AVPI1: variants seen among roughly 807,000 people sequenced by gnomAD.
AVPI1 encodes the protein arginine vasopressin induced 1, also known as arginine vasopressin-induced protein 1.
A neutral mutation model predicts 11.9 loss-of-function variants in AVPI1; 9 were observed. That is an observed-to-expected ratio of 0.76 (90% CI 0.46 to 1.32). The LOEUF is 1.32. Ranked by LOEUF, AVPI1 falls within the 40% of genes most tolerant of loss-of-function variation. AVPI1 has a pLI of 0.00. For synonymous variants in AVPI1, 68 were observed against 78.1 expected, an observed-to-expected ratio of 0.87 and a Z score of 0.68; for missense variants, 207 against 195.8, an observed-to-expected ratio of 1.06 and a Z score of -0.34.
chr10:97,685,125 C>T (rs1237100935), intron 1 of AVPI1, among the ~76,000 whole-genome samples: 1 of 152,090 alleles, frequency 6.6e-6, no homozygotes. Context: ...CATTTCAGAA[C>T]TGACATAAAA....
At chr10:97,684,309 T>C (rs966655972) in intron 1 of AVPI1, among the ~76,000 whole-genome samples, 3 of 152,036 alleles carry the variant, frequency 2.0e-5, no homozygotes, top group African/African-American at 7.3e-5. Context: ...AGGAAATGGC[T>C]TGGAGCCTGA....
intron 1 of AVPI1, among the ~76,000 whole-genome samples, chr10:97,684,417 GAGCCTCC>G (rs1157531184): frequency 2.0e-5 from 3 of 151,724 alleles, no homozygotes; most frequent in Admixed American, 6.6e-5. Context: ...GGGAGAGTCT[GAGCCTCC>G]AGCCTCAACC....
chr10:97,679,613 A>C lies in AVPI1; in HGVS notation c.287+6T>G, dbSNP rs1279671640. 1.2e-6 allele frequency: 2 copies of C among 1,606,228 alleles called. No individual in the cohort carries two copies. The highest frequency in any genetic ancestry group is 1.7e-6 in the Non-Finnish European group (2 of 1,175,544). On this transcript the variant is annotated splice_donor_region_variant and intron_variant, in intron 2 of 2. Transcript: ENST00000370626. ...TTCCCTCAGCCATCCGGTTCTAGGA[A>C]CCTACCTGAGGCGGCTGCAGTGGTG... is the stretch of plus-strand genomic sequence containing the variant.
rs924331386 is a variant in AVPI1, at chr10:97,687,212, A to T, written c.-457T>A. 6.6e-6 allele frequency: 1 copy of T among 152,394 alleles called. No homozygotes were observed. Among genetic ancestry groups the T allele is most frequent in the Non-Finnish European group, 1.5e-5 (1 of 68,182 alleles). The allele number at this position is 152,394 out of a possible 1,614,324, so 9.4% of individuals were successfully genotyped here. ...GGGAGAAAGCGCTCCCTAGCCCCGG[A>T]ACAGCCAATCCTCGGCCCTAGCCAG... On this transcript the variant is annotated 5_prime_UTR_variant, in exon 1 of 3. Coordinates refer to ENST00000370626, the MANE Select transcript of AVPI1 (RefSeq NM_021732.3).
intron 1 of AVPI1, among the ~76,000 whole-genome samples, chr10:97,684,659 C>T (rs2041720454): frequency 6.6e-6 from 1 of 151,698 alleles, no homozygotes; most frequent in Non-Finnish European, 1.5e-5. Context: ...CACCACACGC[C>T]CGACTAATTT....
intron 2 of AVPI1, 121 bp from the exon 3 acceptor site, chr10:97,678,146 C>CTCATTT: frequency 9.2e-7 from 1 of 1,082,302 alleles, no homozygotes; most frequent in Non-Finnish European, 1.3e-6. Flanking sequence ...GAGCGGGGCT[C>CTCATTT]TGCTCTGGTC....
chr10:97,677,957 T>C lies in AVPI1; in HGVS notation c.356A>G (p.Tyr119Cys), dbSNP rs1589942039. 4.3e-6 allele frequency: 7 copies of C among 1,614,174 alleles called. No homozygotes were observed. Among genetic ancestry groups the C allele is most frequent in the East Asian group, 2.2e-5 (1 of 44,886 alleles). Residue 119 changes from tyrosine (Y) to cysteine (C), a missense_variant, in exon 3 of 3, where the codon TAT (tyrosine) becomes TGT (cysteine). Coordinates refer to ENST00000370626, the MANE Select transcript of AVPI1 (RefSeq NM_021732.3). ...GGCACTTTTCTTCCTAGAGTGCAGA[T>C]ACTGCTCACTGGAGGCTGTCTCTGT... Reference protein sequence around the residue: ...SATETASSEQYLHSRKKSARI... With the variant: ...SATETASSEQCLHSRKKSARI...
chr10:97,679,938 C>T (rs1253001390), intron 1 of AVPI1, 23 bp from the exon 2 acceptor site: 4 of 1,516,750 alleles, frequency 2.6e-6, no homozygotes, highest in African/African-American at 1.4e-5. Flanking sequence ...AGCATGGAGA[C>T]ATCATCAACT....
chr10:97,685,405 C>G (rs1416399103), intron 1 of AVPI1, among the ~76,000 whole-genome samples: 1 of 152,186 alleles, frequency 6.6e-6, no homozygotes, highest in African/African-American at 2.4e-5. Context: ...AAGTTCAGTT[C>G]AGACAGCTAT....
In AVPI1 at chr10:97,687,045, T is replaced by G. The variant is rs914434923; in HGVS notation, c.-290A>C. On this transcript the variant is annotated 5_prime_UTR_variant, in exon 1 of 3. Transcript: ENST00000370626. ...AGTGGATCTGGCGGTCGCGTCCCGC[T>G]GGCACCCCGGCTCTGACTGTCGCCC... The G allele has an allele frequency of 6.6e-6, 1 of 152,266 alleles. No individual in the cohort carries two copies. Among genetic ancestry groups the G allele is most frequent in the Admixed American group, 6.5e-5 (1 of 15,288 alleles). The allele number at this position is 152,266 out of a possible 1,614,324, so 9.4% of individuals were successfully genotyped here. A position where few individuals can be genotyped will look rare whatever the true frequency, so the allele number is the denominator to read the frequency against.
In AVPI1 at chr10:97,678,028, G is replaced by A; in HGVS notation, c.288-3C>T. The A allele has an allele frequency of 1.2e-6, 2 of 1,613,282 alleles. No individual in the cohort carries two copies. The highest frequency in any genetic ancestry group is 2.2e-5 in the South Asian group (2 of 90,994). On this transcript the variant is annotated splice_polypyrimidine_tract_variant and splice_region_variant and intron_variant, in intron 2 of 2. Transcript: ENST00000370626. ...GTGCAGAGTGGGGCTCCAGGATTCT[G>A]CAGAGAACAAGTGTATGATTAGCCA...
In AVPI1 at chr10:97,684,934, A is replaced by G. The variant is rs1039137671; in HGVS notation, c.-11+1832T>C. On this transcript the variant is annotated intron_variant, in intron 1 of 2. Coordinates refer to ENST00000370626, the MANE Select transcript of AVPI1 (RefSeq NM_021732.3). ...AAAACCGATGAAATGTCGAATCAGA[A>G]CACTTTTATTATCAAAGGAAACTTT... Among the ~76,000 whole-genome samples the G allele has an allele frequency of 2.0e-5, 3 of 152,344 alleles. No individual in the cohort carries two copies. In the South Asian group the frequency reaches 6.2e-4, roughly 32 times the overall value.
Position 97,677,889 on chromosome 10 carries a change from G to T in AVPI1, c.424C>A (p.Leu142Ile). The T allele has an allele frequency of 6.2e-7, 1 of 1,614,220 alleles. No homozygotes were observed. Among genetic ancestry groups the T allele is most frequent in the Non-Finnish European group, 8.5e-7 (1 of 1,180,032 alleles). Reference protein sequence around the residue: ...NWRKSGPTSYLHQIRH With the variant: ...NWRKSGPTSYIHQIRH The stretch of plus-strand genomic sequence containing the variant: ...CTGGATCAGTGTCTGATCTGGTGGA[G>T]GTAGCTTGTGGGGCCTGACTTCCTC... Residue 142 changes from leucine (L) to isoleucine (I), a missense_variant, in exon 3 of 3, where the codon CTC (leucine) becomes ATC (isoleucine). Coordinates refer to ENST00000370626, the MANE Select transcript of AVPI1 (RefSeq NM_021732.3).
intron 2 of AVPI1, among the ~76,000 whole-genome samples, chr10:97,678,878 A>AGGGT (rs1564779760): frequency 4.1e-5 from 3 of 72,410 alleles, no homozygotes; most frequent in East Asian, 4.8e-4. Flanking sequence ...TGGCGGGGGG[A>AGGGT]GGGTGTGTGT....
At position 97,677,987 on chromosome 10, in the gene AVPI1, C is replaced by A; in HGVS notation, c.326G>T (p.Ser109Ile). 1.2e-6 allele frequency: 2 copies of A among 1,614,194 alleles called. No individual in the cohort carries two copies. Among genetic ancestry groups the A allele is most frequent in the Non-Finnish European group, 1.7e-6 (2 of 1,180,036 alleles). The change falls in exon 3 of 3, where the codon AGT (serine) becomes ATT (isoleucine). Residue 109 changes from serine to isoleucine, a missense_variant. Coordinates refer to ENST00000370626, the MANE Select transcript of AVPI1 (RefSeq NM_021732.3). ...CTCACTGGAGGCTGTCTCTGTGGCA[C>A]TCTGTGGGTTGGCCAGTGCAGAGTG... Reference protein sequence around the residue: ...EPHSALANPQSATETASSEQY... With the variant: ...EPHSALANPQIATETASSEQY...
At position 97,679,510 on chromosome 10, in the gene AVPI1, G is replaced by C; in HGVS notation, c.287+109C>G. On this transcript the variant is annotated intron_variant, in intron 2 of 2. Transcript: ENST00000370626. ...GACCTTATAACCACCCCAATGGTGGGCAGGCACTTTACAGTGAGGCCAAGT... is the reference window on the plus strand; with the variant it reads ...GACCTTATAACCACCCCAATGGTGGCCAGGCACTTTACAGTGAGGCCAAGT... The C allele has an allele frequency of 4.5e-6, 6 of 1,333,002 alleles. No individual in the cohort carries two copies. The East Asian group carries it at 1.5e-4, about 34-fold the overall frequency. The allele number at this position is 1,333,002 out of a possible 1,614,324, so 82.6% of individuals were successfully genotyped here. A position where few individuals can be genotyped will look rare whatever the true frequency, so the allele number is the denominator to read the frequency against.
intron 1 of AVPI1, among the ~76,000 whole-genome samples, chr10:97,683,079 G>A (rs10444067): frequency 0.18 from 27,950 of 152,184 alleles, 2,884 homozygotes; most frequent in Non-Finnish European, 0.24. Context: ...GGAAGTAAAG[G>A]GAAGCTAAGA....
At chr10:97,685,198 C>T (rs1169974252) in intron 1 of AVPI1, among the ~76,000 whole-genome samples, 1 of 152,154 alleles carries the variant, frequency 6.6e-6, no homozygotes, top group Non-Finnish European at 1.5e-5. Flanking sequence ...TTCAATTTGA[C>T]ACAAACTAGG....
rs1564779972 is a variant in AVPI1, at chr10:97,678,963, G to T, written c.287+656C>A. ...TGTGTGTGTGTGTGTGTGTGTGTGT[G>T]TGTGTGTGTGTGTGTGTGTGTGTGT... is the stretch of plus-strand genomic sequence containing the variant. On this transcript the variant is annotated intron_variant, in intron 2 of 2. Transcript: ENST00000370626. Among the ~76,000 whole-genome samples the T allele has an allele frequency of 4.8e-5, 3 of 62,080 alleles. 1 individual carries two copies. The East Asian group carries it at 1.2e-3, about 24-fold the overall frequency. The allele number at this position is 62,080 out of a possible 152,430, so 40.7% of individuals were successfully genotyped here.
Sources: gnomAD v4.1 joint callset for allele counts (sites outside exome capture counted in the v4.1 genomes callset) on GRCh38, gnomAD v4.1.1 for gene constraint, MANE v1.5 for transcripts, NCBI Gene and HGNC (gene_info 2026-07-23, HGNC 2026-07-21) for gene names.